The following PREX1 variants were observed in gnomAD, a reference collection of about 807,000 sequenced individuals.
The protein encoded by PREX1 is phosphatidylinositol-3,4,5-trisphosphate dependent Rac exchange factor 1, also known as phosphatidylinositol 3,4,5-trisphosphate-dependent Rac exchanger 1 protein.
Under a neutral mutation model 198.3 loss-of-function variants are expected in PREX1, and 41 were observed. That is an observed-to-expected ratio of 0.21 (90% CI 0.16 to 0.27). The LOEUF (loss-of-function observed/expected upper bound fraction) is 0.27, where lower values mean the gene tolerates loss of function less well. PREX1 is among the 10% of genes least tolerant of loss of function. PREX1 has a pLI of 1.00. For synonymous variants in PREX1, 843 were observed against 887.2 expected (o/e 0.95, Z 0.89); for missense variants, 1,620 against 2,200.7 (o/e 0.74, Z 5.28).
intron 24 of PREX1, among the ~76,000 whole-genome samples, chr20:48,649,794 A>C (rs564573074): frequency 1.3e-5 from 2 of 152,364 alleles, no homozygotes; most frequent in East Asian, 3.9e-4. Context: ...CAATGCAGAC[A>C]TGATGGCTGG....
intron 5 of PREX1, among the ~76,000 whole-genome samples, chr20:48,725,500 C>T (rs1266768423): frequency 1.3e-5 from 2 of 152,190 alleles, no homozygotes; most frequent in Non-Finnish European, 2.9e-5. Flanking sequence ...CCAGGGCTGG[C>T]GGCAGGGAAG....
At position 48,743,065 on chromosome 20, in the gene PREX1, C is replaced by CGGCA. The variant is rs1242178747; in HGVS notation, c.414+1956_414+1959dup. On this transcript the variant is annotated intron_variant, in intron 3 of 39. Coordinates refer to ENST00000371941, the MANE Select transcript of PREX1 (RefSeq NM_020820.4). ...CGGAGTAACACTCACAGCTGACACG[C>CGGCA]GGCATTAGCTTGGTGCTGAGCCAGG... Among the ~76,000 whole-genome samples the CGGCA allele has an allele frequency of 2.6e-5, 4 of 152,298 alleles. No homozygotes were observed. The East Asian group carries it at 7.7e-4, about 29-fold the overall frequency.
At chr20:48,806,100 A>G (rs997906698) in intron 1 of PREX1, among the ~76,000 whole-genome samples, 1 of 152,188 alleles carries the variant, frequency 6.6e-6, no homozygotes, top group African/African-American at 2.4e-5. Flanking sequence ...GCTTCATGAC[A>G]GTAGCAGGTA....
chr20:48,687,586 T>C (rs1601076943), intron 10 of PREX1, among the ~76,000 whole-genome samples: 1 of 152,158 alleles, frequency 6.6e-6, no homozygotes, highest in Admixed American at 6.5e-5. Context: ...TTAGGGAAGT[T>C]GGGGGGAGTT....
At chr20:48,775,463 C>A (rs1323044240) in intron 1 of PREX1, among the ~76,000 whole-genome samples, 1 of 152,036 alleles carries the variant, frequency 6.6e-6, no homozygotes, top group Non-Finnish European at 1.5e-5. Context: ...AGTGGGGCAG[C>A]AGGGGCCTGC....
intron 3 of PREX1, among the ~76,000 whole-genome samples, chr20:48,743,301 T>C (rs776290590): frequency 6.6e-6 from 1 of 152,132 alleles, no homozygotes; most frequent in Non-Finnish European, 1.5e-5. Context: ...GTCCCTCCCA[T>C]CCTTTTCATT....
chr20:48,679,473 G>A, intron 12 of PREX1, 64 bp from the exon 13 acceptor site: 1 of 1,539,974 alleles, frequency 6.5e-7, no homozygotes, highest in South Asian at 1.1e-5. Context: ...TCCAAATCCA[G>A]GCTGATGGGA....
At chr20:48,795,552 C>A (rs2090358359) in intron 1 of PREX1, among the ~76,000 whole-genome samples, 1 of 151,912 alleles carries the variant, frequency 6.6e-6, no homozygotes, top group African/African-American at 2.4e-5. Context: ...ATAGGATAAT[C>A]CCCCACAACA....
the PREX1 span, among the ~76,000 whole-genome samples, chr20:48,841,528 G>A: frequency 1.3e-5 from 2 of 151,990 alleles, no homozygotes; most frequent in African/African-American, 4.8e-5. Context: ...CTTAGTCTTA[G>A]CTACTTGGTA....
In PREX1 at chr20:48,646,518, C is replaced by T. The variant is rs1389684114; in HGVS notation, c.3306-461G>A. Among the ~76,000 whole-genome samples, 4 of 151,984 alleles carry T rather than the reference C, an allele frequency of 2.6e-5. No homozygotes were observed. The East Asian group carries it at 7.7e-4, about 29-fold the overall frequency. ...GCCAACATGGCCAACATGGCGAAAC[C>T]CTGTCTCTACTAACAAACAAAAATT... is the stretch of plus-strand genomic sequence containing the variant. On this transcript the variant is annotated intron_variant, in intron 25 of 39. Coordinates refer to ENST00000371941, the MANE Select transcript of PREX1 (RefSeq NM_020820.4).
chr20:48,814,980 A>G (rs1206563203), intron 1 of PREX1, among the ~76,000 whole-genome samples: 1 of 152,262 alleles, frequency 6.6e-6, no homozygotes, highest in Non-Finnish European at 1.5e-5. Context: ...GAAGAAAGGC[A>G]ACATGGCTAT....
chr20:48,649,020 T>C (rs931060140), intron 25 of PREX1, among the ~76,000 whole-genome samples: 2 of 152,220 alleles, frequency 1.3e-5, no homozygotes, highest in Non-Finnish European at 2.9e-5. Context: ...AGCGCTGCTA[T>C]ATCCATAATA....
intron 3 of PREX1, among the ~76,000 whole-genome samples, chr20:48,737,034 T>C (rs1307743491): frequency 6.6e-6 from 1 of 152,032 alleles, no homozygotes; most frequent in Non-Finnish European, 1.5e-5. Flanking sequence ...GTTGTGAGGA[T>C]TGGCAGGTGA....
chr20:48,802,992 G>C (rs964601918), intron 1 of PREX1, among the ~76,000 whole-genome samples: 5 of 152,230 alleles, frequency 3.3e-5, no homozygotes, highest in Admixed American at 1.3e-4. Flanking sequence ...AGTGGCATCA[G>C]CGTCTCATCT....
rs2089260201 is a variant in PREX1 at position 48,625,099 on chromosome 20, A to G, written c.*786T>C. ...AGAAGCAGGAACAGTTGTCAATACT[A>G]CCTTCTGTTGGTCCCCTGTTAGACA... On this transcript the variant is annotated 3_prime_UTR_variant, in exon 40 of 40. Coordinates refer to ENST00000371941, the MANE Select transcript of PREX1 (RefSeq NM_020820.4). 1 of 152,510 alleles carries G rather than the reference A, an allele frequency of 6.6e-6. No individual in the cohort carries two copies. The highest frequency in any genetic ancestry group is 2.4e-5 in the African/African-American group (1 of 41,394). 9.4% of individuals were successfully genotyped at this position (152,510 alleles called of 1,614,324 possible).
upstream of PREX1, among the ~76,000 whole-genome samples, chr20:48,830,291 G>T (rs1568658198): frequency 6.6e-6 from 1 of 152,196 alleles, no homozygotes; most frequent in East Asian, 1.9e-4. Context: ...GAGCCCAGGA[G>T]GTCAGGGCTG....
At chr20:48,700,522 A>C (rs1378749474) in intron 7 of PREX1, among the ~76,000 whole-genome samples, 1 of 152,200 alleles carries the variant, frequency 6.6e-6, no homozygotes, top group Non-Finnish European at 1.5e-5. Flanking sequence ...GGTTAACTAA[A>C]ATATATTATT....
In PREX1 at chr20:48,625,665, G is replaced by A. The variant is rs368332396; in HGVS notation, c.*220C>T. The A allele has an allele frequency of 1.6e-5, 9 of 547,130 alleles. No individual in the cohort carries two copies. Among genetic ancestry groups the A allele is most frequent in the East Asian group, 1.4e-4 (4 of 27,884 alleles). 33.9% of individuals were successfully genotyped at this position (547,130 alleles called of 1,614,324 possible). A position where few individuals can be genotyped will look rare whatever the true frequency, so the allele number is the denominator to read the frequency against. On this transcript the variant is annotated 3_prime_UTR_variant, in exon 40 of 40. Coordinates refer to ENST00000371941, the MANE Select transcript of PREX1 (RefSeq NM_020820.4). ...AGCACCCCTCCAGCTTCTGGCAGGC[G>A]TGTGAAGAATGGGCCGGCCCAGGGC...
chr20:48,869,993 C>A, the PREX1 span, among the ~76,000 whole-genome samples: 1 of 152,160 alleles, frequency 6.6e-6, no homozygotes, highest in Non-Finnish European at 1.5e-5. Context: ...ACATGTATCC[C>A]AGAACTTAAC....
Sources: gnomAD v4.1 joint callset for allele counts (sites outside exome capture counted in the v4.1 genomes callset) on GRCh38, gnomAD v4.1.1 for gene constraint, MANE v1.5 for transcripts, NCBI Gene and HGNC (gene_info 2026-07-23, HGNC 2026-07-21) for gene names.